The following IFT56 variants were observed in gnomAD, a reference collection of about 807,000 sequenced individuals.
The protein encoded by IFT56 is intraflagellar transport 56.
chr7:139,158,367 T>C, the IFT56 span, among the ~76,000 whole-genome samples: 1 of 151,702 alleles, frequency 6.6e-6, no homozygotes. Flanking sequence ...AGGTTTTTTA[T>C]CTCAAAGGAA....
chr7:139,161,239 A>C, the IFT56 span: 1 of 475,166 alleles, frequency 2.1e-6, no homozygotes, highest in Non-Finnish European at 3.7e-6. Flanking sequence ...ATATTTGGAA[A>C]GAAGCACAAG....
the IFT56 span, chr7:139,161,178 C>G: frequency 5.3e-6 from 3 of 566,930 alleles, no homozygotes; most frequent in Non-Finnish European, 9.1e-6. Context: ...TTTTAAAGTA[C>G]TAATCTGTTT....
chr7:139,187,395 C>T, the IFT56 span: 1 of 1,613,862 alleles, frequency 6.2e-7, no homozygotes, highest in South Asian at 1.1e-5. Flanking sequence ...CACATACGTT[C>T]TCTTATTCAG....
At chr7:139,152,182 A>G in the IFT56 span, among the ~76,000 whole-genome samples, 1 of 152,250 alleles carries the variant, frequency 6.6e-6, no homozygotes, top group Non-Finnish European at 1.5e-5. Flanking sequence ...AAGGCTGTGC[A>G]GTAGCACAAT....
the IFT56 span, chr7:139,187,409 G>A: frequency 4.3e-6 from 7 of 1,613,796 alleles, no homozygotes; most frequent in Non-Finnish European, 5.9e-6. Context: ...TATTCAGATG[G>A]GCCAGTTTTA....
chr7:139,176,151 A>T, the IFT56 span, among the ~76,000 whole-genome samples: 43 of 152,224 alleles, frequency 2.8e-4, no homozygotes, highest in Non-Finnish European at 5.6e-4. Context: ...CAACAGAGTG[A>T]CTACAGTTAA....
chr7:139,146,415 G>T, the IFT56 span, among the ~76,000 whole-genome samples: 3 of 152,132 alleles, frequency 2.0e-5, no homozygotes, highest in African/African-American at 7.2e-5. Flanking sequence ...AATACACTAG[G>T]TTACATGATG....
At chr7:139,163,940 C>G in the IFT56 span, among the ~76,000 whole-genome samples, 1 of 152,172 alleles carries the variant, frequency 6.6e-6, no homozygotes, top group African/African-American at 2.4e-5. Flanking sequence ...ATTTGTGAAA[C>G]AGTTTGCTAC....
At chr7:139,178,530 G>A in the IFT56 span, 1 of 1,614,054 alleles carries the variant, frequency 6.2e-7, no homozygotes, top group Non-Finnish European at 8.5e-7. Context: ...CTTCTATAAT[G>A]ATGACATCTT....
chr7:139,176,581 G>T, the IFT56 span, among the ~76,000 whole-genome samples: 28 of 152,132 alleles, frequency 1.8e-4, no homozygotes, highest in Non-Finnish European at 3.4e-4. Context: ...TGAGAAAGGG[G>T]TATAAAAAGA....
the IFT56 span, among the ~76,000 whole-genome samples, chr7:139,154,673 C>T: frequency 6.6e-6 from 1 of 152,160 alleles, no homozygotes; most frequent in Non-Finnish European, 1.5e-5. Context: ...TTCTTCTGGA[C>T]TCAGTTCTCT....
the IFT56 span, chr7:139,173,704 C>A: frequency 1.4e-5 from 11 of 770,952 alleles, no homozygotes; most frequent in Non-Finnish European, 2.7e-5. Context: ...GGTGACGAGG[C>A]CTCTCATTGG....
At chr7:139,168,702 G>A in the IFT56 span, 16 of 353,716 alleles carry the variant, frequency 4.5e-5, no homozygotes, top group South Asian at 1.5e-4. Flanking sequence ...TATTTGCAGC[G>A]ACTTTTTTTA....
chr7:139,145,179 G>C, the IFT56 span, among the ~76,000 whole-genome samples: 37 of 152,028 alleles, frequency 2.4e-4, no homozygotes, highest in African/African-American at 8.9e-4. Flanking sequence ...TAGCTTTCCA[G>C]GGGTCCCAAC....
the IFT56 span, among the ~76,000 whole-genome samples, chr7:139,153,679 C>T: frequency 6.6e-6 from 1 of 152,110 alleles, no homozygotes. Context: ...ATTTTTATGA[C>T]CAAATAATAT....
chr7:139,171,400 A>G, the IFT56 span, among the ~76,000 whole-genome samples: 1 of 152,218 alleles, frequency 6.6e-6, no homozygotes, highest in Non-Finnish European at 1.5e-5. Context: ...TCTGAGCAGA[A>G]AGGACAAAAC....
At chr7:139,145,425 T>G in the IFT56 span, among the ~76,000 whole-genome samples, 6 of 151,876 alleles carry the variant, frequency 4.0e-5, no homozygotes, top group Non-Finnish European at 7.4e-5. Flanking sequence ...CGTAGATTTT[T>G]TTTGTTTGTT....
At chr7:139,185,045 C>T in the IFT56 span, among the ~76,000 whole-genome samples, 2 of 141,024 alleles carry the variant, frequency 1.4e-5, no homozygotes, top group African/African-American at 6.0e-5. Context: ...CAGGGCGAGA[C>T]TCCATCTCAA....
the IFT56 span, among the ~76,000 whole-genome samples, chr7:139,183,296 TAGA>T: frequency 2.0e-5 from 3 of 152,132 alleles, no homozygotes; most frequent in Non-Finnish European, 2.9e-5. Context: ...GGTGATTTAC[TAGA>T]AGGAGTCATA....
Sources: allele counts gnomAD v4.1 joint callset (sites outside exome capture counted in the v4.1 genomes callset), GRCh38; gene constraint gnomAD v4.1.1; transcripts MANE v1.5; gene names NCBI Gene and HGNC (gene_info 2026-07-23, HGNC 2026-07-21).